ZGRF1: variants seen among roughly 807,000 people sequenced by gnomAD.
ZGRF1 encodes the protein zinc finger GRF-type containing 1, also known as 5'-3' DNA helicase ZGRF1.
Under a neutral mutation model 203.5 loss-of-function variants are expected in ZGRF1, and 196 were observed. The ratio of observed to expected loss-of-function variants is 0.96; its 90% CI spans 0.86 to 1.08. The LOEUF is 1.08. Among genes scored for constraint, ZGRF1 ranks in the 50% least tolerant of loss-of-function variants. The pLI is 0.00. For synonymous variants in ZGRF1, 809 were observed against 841.3 expected (o/e 0.96, Z 0.66); for missense variants, 2,326 against 2,416.3 (o/e 0.96, Z 0.78).
intron 6 of ZGRF1, among the ~76,000 whole-genome samples, chr4:112,615,441 C>T (rs1413880975): frequency 6.6e-6 from 1 of 152,030 alleles, no homozygotes; most frequent in Non-Finnish European, 1.5e-5. Context: ...CCAGGCTAAT[C>T]TTGAACTCCT....
rs145611842 is a variant in ZGRF1, at chr4:112,573,167, T to TACACACACAC, written c.4438+8486_4438+8495dup. ...CAACAAGTGGATAAAGAAATTGTGATACACACACACACACACACACACACA... is the reference window on the plus strand; with the variant it reads ...CAACAAGTGGATAAAGAAATTGTGATACACACACACACACACACACACACACACACACACA... On this transcript the variant is annotated intron_variant, in intron 16 of 27. Coordinates refer to ENST00000505019, the MANE Select transcript of ZGRF1 (RefSeq NM_018392.5). Among the ~76,000 whole-genome samples, 981 of 145,594 alleles carry TACACACACAC rather than the reference T, an allele frequency of 6.7e-3. 10 individuals are homozygous for TACACACACAC. Among genetic ancestry groups the TACACACACAC allele is most frequent in the Middle Eastern group, 0.031 (9 of 290 alleles).
intron 22 of ZGRF1, among the ~76,000 whole-genome samples, chr4:112,551,931 C>T (rs1270682560): frequency 6.6e-6 from 1 of 152,088 alleles, no homozygotes; most frequent in African/African-American, 2.4e-5. Flanking sequence ...TATTAATTAA[C>T]TATGAAGCAT....
Position 112,540,054 on chromosome 4 carries a change from T to A in ZGRF1, c.5981A>T (p.Asp1994Val), listed in dbSNP as rs144804401. Residue 1994 changes from aspartate (D) to valine (V), a missense_variant, in exon 27 of 28, where the codon GAT becomes GTT. Asp to Val is a radical substitution (Grantham distance 152, BLOSUM62 -3). Coordinates refer to ENST00000505019, the MANE Select transcript of ZGRF1 (RefSeq NM_018392.5). ...DIKTVQVSTV[D>V]AFQGAEKEII... Reference sequence around the variant, plus strand: ...CTCCTTTTCAGCTCCCTGAAAAGCATCTACTGTGGACACCTGCACAGTTTT... The same window carrying A: ...CTCCTTTTCAGCTCCCTGAAAAGCAACTACTGTGGACACCTGCACAGTTTT... 1.1e-5 allele frequency: 17 copies of A among 1,607,372 alleles called. No individual in the cohort carries two copies. The highest frequency in any genetic ancestry group is 1.6e-4 in the Middle Eastern group (1 of 6,076).
intron 18 of ZGRF1, among the ~76,000 whole-genome samples, chr4:112,562,052 G>C (rs1458108659): frequency 6.6e-6 from 1 of 151,580 alleles, no homozygotes; most frequent in Non-Finnish European, 1.5e-5. Context: ...TGTGATTACA[G>C]GCATGCGCCA....
intron 12 of ZGRF1, 50 bp from the exon 13 acceptor site, chr4:112,586,633 T>A: frequency 7.6e-7 from 1 of 1,314,290 alleles, no homozygotes; most frequent in Non-Finnish European, 1.0e-6. Flanking sequence ...AAAATACTGT[T>A]TACTAAAGAG....
chr4:112,624,009 T>G (rs6853745), intron 3 of ZGRF1, 133 bp from the exon 4 acceptor site: 249,242 of 600,288 alleles, frequency 0.42, 52,765 homozygotes, highest in Admixed American at 0.51. Context: ...GAACTTGGAT[T>G]TGAAAATTCA....
chr4:112,610,554 G>C (rs779375403), intron 7 of ZGRF1, among the ~76,000 whole-genome samples: 14 of 151,278 alleles, frequency 9.3e-5, no homozygotes, highest in Admixed American at 2.6e-4. Context: ...CTGGGCAATA[G>C]AGCAAGACTC....
At chr4:112,577,019 G>A (rs139815018) in intron 16 of ZGRF1, among the ~76,000 whole-genome samples, 1,769 of 150,234 alleles carry the variant, frequency 0.012, 18 homozygotes, top group Middle Eastern at 0.045. Flanking sequence ...TGTTAAGGGC[G>A]GCCAAAGAGA....
rs148531131 is a variant in ZGRF1 at position 112,619,074 on chromosome 4, T to C, written c.968A>G (p.Asn323Ser). ...YQHQSENTMR[N>S]KSRWAMYLSS... ...TAAATACATGGCCCACCGGCTTTTA[T>C]TTCTCATGGTATTTTCTGATTGATG... The change falls in exon 6 of 28, where the codon AAT (asparagine) becomes AGT (serine). Residue 323 changes from asparagine (N) to serine (S), a missense_variant. Physicochemically the swap from Asn to Ser is conservative, Grantham distance 46. Transcript: ENST00000505019. 5.1e-5 allele frequency: 82 copies of C among 1,614,026 alleles called. No homozygotes were observed. In the African/African-American group the frequency reaches 9.2e-4, roughly 18 times the overall value.
chr4:112,587,505 T>A lies in ZGRF1; in HGVS notation c.3552A>T (p.Thr1184=), dbSNP rs1313773867. 9.9e-6 allele frequency: 16 copies of A among 1,613,956 alleles called. No homozygotes were observed. The highest frequency in any genetic ancestry group is 1.4e-5 in the Non-Finnish European group (16 of 1,179,850). The change falls in exon 12 of 28, where the codon ACA becomes ACT. Residue 1184 remains threonine, a synonymous_variant. Coordinates refer to ENST00000505019, the MANE Select transcript of ZGRF1 (RefSeq NM_018392.5). The part of the protein sequence containing the change: ...EAVSGMHFRD[T]SERQSDAVNE... The stretch of plus-strand genomic sequence containing the variant: ...TGACAGCATCACTCTGTCTTTCACT[T>A]GTGTCTCTAAAATGCATCCCAGAAA...
At chr4:112,600,456 G>A (rs1010798923) in intron 10 of ZGRF1, among the ~76,000 whole-genome samples, 10 of 152,200 alleles carry the variant, frequency 6.6e-5, no homozygotes, top group African/African-American at 2.4e-4. Flanking sequence ...TACTTTGGGA[G>A]GCCGAAGCAA....
chr4:112,618,115 T>C lies in ZGRF1; in HGVS notation c.1927A>G (p.Ser643Gly), dbSNP rs1252297988. 1 of 1,613,974 alleles carries C rather than the reference T, an allele frequency of 6.2e-7. No homozygotes were observed. The highest frequency in any genetic ancestry group is 1.7e-5 in the Admixed American group (1 of 60,030). ...GTCCACTTGAAAGATTCAAAATTGC[T>C]TAATGTGTCACTATACTCCTCTATT... ...KEIEEYSDTL[S>G]NFESFKWTDA... Residue 643 changes from serine (S) to glycine (G), a missense_variant, in exon 6 of 28, where the codon AGC (serine) becomes GGC (glycine). Coordinates refer to ENST00000505019, the MANE Select transcript of ZGRF1 (RefSeq NM_018392.5).
Position 112,619,028 on chromosome 4 carries a change from T to G in ZGRF1, c.1014A>C (p.Ile338=). The G allele has an allele frequency of 6.2e-7, 1 of 1,614,032 alleles. No homozygotes were observed. The highest frequency in any genetic ancestry group is 8.5e-7 in the Non-Finnish European group (1 of 1,179,938). ...CATTCCCATCTACAGTAGAAGAATG[T>G]ATAGGTGAACTCTGTGAGGATAAAT... ...AMYLSSQSSP[I]HSSTVDGNDT... The change falls in exon 6 of 28, where the codon ATA becomes ATC. Residue 338 remains isoleucine (I), a synonymous_variant. Transcript: ENST00000505019.
chr4:112,585,504 G>A (rs372837746), intron 14 of ZGRF1, 37 bp downstream of exon 14: 11 of 1,541,062 alleles, frequency 7.1e-6, no homozygotes, highest in Non-Finnish European at 9.7e-6. Flanking sequence ...TATAAGACAA[G>A]TATTTGGTAT....
At chr4:112,593,881 C>T (rs893513119) in intron 10 of ZGRF1, among the ~76,000 whole-genome samples, 11 of 151,948 alleles carry the variant, frequency 7.2e-5, no homozygotes, top group African/African-American at 9.7e-5. Flanking sequence ...GTCCCACCCC[C>T]GCCTCCTGAG....
chr4:112,593,375 G>T (rs115084901), intron 10 of ZGRF1, among the ~76,000 whole-genome samples: 3,013 of 152,194 alleles, frequency 0.02, 113 homozygotes, highest in African/African-American at 0.068. Context: ...TCTCTTAACT[G>T]GTTTCTCCGC....
chr4:112,635,891 T>C (rs561408447), intron 1 of ZGRF1, among the ~76,000 whole-genome samples: 1 of 152,056 alleles, frequency 6.6e-6, no homozygotes, highest in South Asian at 2.1e-4. Context: ...ATATTACTTC[T>C]GGAATGTACA....
chr4:112,570,790 G>T (rs1486028212), intron 16 of ZGRF1, among the ~76,000 whole-genome samples: 1 of 151,916 alleles, frequency 6.6e-6, no homozygotes, highest in East Asian at 1.9e-4. Context: ...GAATTATAAT[G>T]AAAAAAATAC....
At position 112,562,396 on chromosome 4, in the gene ZGRF1, G is replaced by A. The variant is rs1742164276; in HGVS notation, c.4672C>T (p.Pro1558Ser). 1 of 1,605,280 alleles carries A rather than the reference G, an allele frequency of 6.2e-7. No individual in the cohort carries two copies. Among genetic ancestry groups the A allele is most frequent in the Admixed American group, 1.7e-5 (1 of 59,316 alleles). Residue 1558 changes from proline (P) to serine (S), a missense_variant, in exon 18 of 28, where the codon CCT (proline) becomes TCT (serine). Transcript: ENST00000505019. ...GTTGTTAACAGGTACTGTGTTAGAG[G>A]TAGAGTAGCTGGATTAAAGTAGTCC... is the stretch of plus-strand genomic sequence containing the variant. ...IQDYFNPATL[P>S]LTQYLLTTSS...
Sources: gnomAD v4.1 joint callset for allele counts (sites outside exome capture counted in the v4.1 genomes callset) on GRCh38, gnomAD v4.1.1 for gene constraint, MANE v1.5 for transcripts, NCBI Gene and HGNC (gene_info 2026-07-23, HGNC 2026-07-21) for gene names.